Variants in RXRA observed in about 807,000 individuals in gnomAD.
RXRA encodes the protein retinoic acid receptor RXR-alpha.
In RXRA, 5 loss-of-function variants were observed where a neutral mutation model predicts 44.5. That is an observed-to-expected ratio of 0.11 (90% confidence interval 0.06 to 0.24). The LOEUF (loss-of-function observed/expected upper bound fraction) is 0.24. Ranked by LOEUF, RXRA falls within the 10% of genes least tolerant of loss-of-function variation. RXRA has a pLI of 1.00. For missense variants in RXRA, 412 were observed against 646.5 expected, an observed-to-expected ratio of 0.64 and a Z score of 3.93; for synonymous variants, 291 against 271.4, an observed-to-expected ratio of 1.07 and a Z score of -0.71.
chr9:134,351,451 C>T (rs1554749446), intron 1 of RXRA, among the ~76,000 whole-genome samples: 1 of 152,208 alleles, frequency 6.6e-6, no homozygotes, highest in Non-Finnish European at 1.5e-5. Flanking sequence ...ACAGTCCTGA[C>T]CCCAGCACCC....
At position 134,365,810 on chromosome 9, in the gene RXRA, C is replaced by T. The variant is rs55637387; in HGVS notation, c.29-35822C>T. ...GGGAGGGCCAGCCCAGAAGGACCCT[C>T]CCATTACCCTCTGGTGGCTTGCCCA... On this transcript the variant is annotated intron_variant, in intron 1 of 9. Coordinates refer to ENST00000481739, the MANE Select transcript of RXRA (RefSeq NM_002957.6). This position sits in a 1 kb window ranked among gnomAD's most constrained non-coding sequence, Gnocchi z 4.0. 0.056 allele frequency among the ~76,000 whole-genome samples: 8,451 copies of T among 151,926 alleles called. 765 individuals carry two copies. Among genetic ancestry groups the T allele is most frequent in the African/African-American group, 0.19 (8,044 of 41,344 alleles).
intron 7 of RXRA, 24 bp downstream of exon 7, chr9:134,429,264 G>A (rs770416992): frequency 3.7e-6 from 6 of 1,604,660 alleles, no homozygotes; most frequent in East Asian, 4.5e-5. Context: ...CGGGAGGGGC[G>A]AGGGCGCTTC....
intron 1 of RXRA, among the ~76,000 whole-genome samples, chr9:134,382,432 C>T (rs193020747): frequency 1.3e-3 from 194 of 151,916 alleles, no homozygotes; most frequent in African/African-American, 3.8e-3. Flanking sequence ...GGGGCTGGGG[C>T]GGGGCCAGGG....
At chr9:134,385,540 C>T (rs767486515) in intron 1 of RXRA, among the ~76,000 whole-genome samples, 7 of 152,194 alleles carry the variant, frequency 4.6e-5, no homozygotes, top group Non-Finnish European at 7.4e-5. Flanking sequence ...AGGACGCCCC[C>T]CAGGATCCGT....
intron 6 of RXRA, among the ~76,000 whole-genome samples, chr9:134,428,719 C>T (rs942742002): frequency 4.6e-5 from 7 of 152,210 alleles, no homozygotes; most frequent in African/African-American, 7.2e-5. Context: ...CACAGATCCC[C>T]GAGAGTCCTG....
At position 134,365,744 on chromosome 9, in the gene RXRA, C is replaced by A. The variant is rs116534025; in HGVS notation, c.29-35888C>A. On this transcript the variant is annotated intron_variant, in intron 1 of 9. Transcript: ENST00000481739. This position sits in a 1 kb window ranked among gnomAD's most constrained non-coding sequence, Gnocchi z 4.0. ...GGCCCGGCAGAGTCTCGGTGGGTCTCGGTGGGGCCAGCTGTCGGTGGGTGA... is the reference window on the plus strand; with the variant it reads ...GGCCCGGCAGAGTCTCGGTGGGTCTAGGTGGGGCCAGCTGTCGGTGGGTGA... Among the ~76,000 whole-genome samples the A allele has an allele frequency of 0.018, 2,738 of 151,696 alleles. 82 individuals carry two copies. Among genetic ancestry groups the A allele is most frequent in the African/African-American group, 0.061 (2,514 of 41,278 alleles).
intron 1 of RXRA, among the ~76,000 whole-genome samples, chr9:134,327,263 G>C (rs560019977): frequency 6.6e-6 from 1 of 152,246 alleles, no homozygotes; most frequent in East Asian, 1.9e-4. Context: ...CCAGAAATGG[G>C]GCCCCTCACT....
At chr9:134,337,177 C>A (rs1830020761) in intron 1 of RXRA, among the ~76,000 whole-genome samples, 1 of 152,218 alleles carries the variant, frequency 6.6e-6, no homozygotes, top group African/African-American at 2.4e-5. Context: ...AGCCCCAGTG[C>A]CTGCCCTTGT....
At chr9:134,422,382 CTCCCGGGACACTCCCCCG>C (rs1564295003) in intron 6 of RXRA, 4 of 1,277,458 alleles carry the variant, frequency 3.1e-6, no homozygotes, top group South Asian at 1.3e-5. Flanking sequence ...ACACTCCCCC[CTCCCGGGACACTCCCCCG>C]TCCCGTGACA....
At chr9:134,386,795 C>CCTGGGCT (rs1294528372) in intron 1 of RXRA, among the ~76,000 whole-genome samples, 4 of 152,182 alleles carry the variant, frequency 2.6e-5, no homozygotes, top group Non-Finnish European at 5.9e-5. Context: ...AGAAGAAAGA[C>CCTGGGCT]CTGGGCTCTG....
At chr9:134,432,876 G>T (rs900148574) in intron 8 of RXRA, among the ~76,000 whole-genome samples, 11 of 152,284 alleles carry the variant, frequency 7.2e-5, no homozygotes, top group Admixed American at 1.3e-4. Context: ...CTAAGTTTGG[G>T]TTTTTTCTTG....
At chr9:134,389,862 G>A (rs1020743852) in intron 1 of RXRA, among the ~76,000 whole-genome samples, 3 of 152,168 alleles carry the variant, frequency 2.0e-5, no homozygotes, top group Non-Finnish European at 2.9e-5. Flanking sequence ...GGGAGTTACC[G>A]TGCGTGCTAG....
intron 4 of RXRA, among the ~76,000 whole-genome samples, chr9:134,413,870 G>C (rs1831191258): frequency 6.6e-6 from 1 of 152,174 alleles, no homozygotes; most frequent in Non-Finnish European, 1.5e-5. Flanking sequence ...AGGAGTCTCA[G>C]GTCTTCCTGG....
chr9:134,342,050 T>C lies in RXRA; in HGVS notation c.28+15391T>C, dbSNP rs1830092488. On this transcript the variant is annotated intron_variant, in intron 1 of 9. Coordinates refer to ENST00000481739, the MANE Select transcript of RXRA (RefSeq NM_002957.6). The surrounding 1 kb of genome is among the most constrained non-coding windows in gnomAD (Gnocchi z 4.4). The stretch of plus-strand genomic sequence containing the variant: ...CCGGCTAGCTGGAGCCTGCCTGTGG[T>C]GGGTGTTGCTGGCTGGGGGACATGA... Among the ~76,000 whole-genome samples the C allele has an allele frequency of 1.3e-5, 2 of 151,720 alleles. No individual in the cohort carries two copies. Among genetic ancestry groups the C allele is most frequent in the African/African-American group, 4.8e-5 (2 of 41,240 alleles).
chr9:134,423,578 G>A (rs532803182), intron 6 of RXRA: 13 of 985,222 alleles, frequency 1.3e-5, no homozygotes, highest in East Asian at 1.1e-4. Flanking sequence ...GGGCCCCGCC[G>A]GAGGAGCCAG....
chr9:134,409,906 G>A (rs773420230), intron 4 of RXRA, among the ~76,000 whole-genome samples: 11 of 152,160 alleles, frequency 7.2e-5, no homozygotes, highest in Non-Finnish European at 1.5e-5. Context: ...CCGCTCTGCA[G>A]GACACCCTTC....
At chr9:134,355,992 G>A (rs933535991) in intron 1 of RXRA, among the ~76,000 whole-genome samples, 1 of 152,058 alleles carries the variant, frequency 6.6e-6, no homozygotes, top group South Asian at 2.1e-4. Flanking sequence ...CGGGATGGCC[G>A]CTGGGCCCAG....
intron 1 of RXRA, among the ~76,000 whole-genome samples, chr9:134,346,494 G>T (rs1830153779): frequency 6.6e-6 from 1 of 152,138 alleles, no homozygotes; most frequent in Non-Finnish European, 1.5e-5. Context: ...CACTCACCAG[G>T]TCCTGCCAGT....
chr9:134,406,980 G>A (rs1469328849), intron 2 of RXRA, among the ~76,000 whole-genome samples: 5 of 152,186 alleles, frequency 3.3e-5, no homozygotes, highest in Non-Finnish European at 7.3e-5. Flanking sequence ...TTCTCCAGTG[G>A]GAGCTTCATG....
Sources: allele counts gnomAD v4.1 joint callset (sites outside exome capture counted in the v4.1 genomes callset), GRCh38; gene constraint gnomAD v4.1.1; non-coding constraint Gnocchi (gnomAD v3.1); transcripts MANE v1.5; gene names NCBI Gene and HGNC (gene_info 2026-07-23, HGNC 2026-07-21).